SRGAP1: variants seen among roughly 807,000 people sequenced by gnomAD.
SRGAP1 encodes SLIT-ROBO Rho GTPase activating protein 1.
In SRGAP1, 43 loss-of-function variants were observed where a neutral mutation model predicts 121.9. That is an observed-to-expected ratio of 0.35 (90% CI 0.28 to 0.46). The LOEUF is 0.46. Among genes scored for constraint, SRGAP1 ranks in the 20% least tolerant of loss-of-function variants. The pLI is 1.00. For synonymous variants in SRGAP1, 447 were observed against 485.4 expected (o/e 0.92, Z 1.04); for missense variants, 1,102 against 1,350.9 (o/e 0.82, Z 2.89).
rs535432525 is a variant in SRGAP1, at chr12:64,044,637, G to C, written c.801+1062G>C. Among the ~76,000 whole-genome samples, 3 of 135,076 alleles carry C rather than the reference G, an allele frequency of 2.2e-5. No homozygotes were observed. The South Asian group carries it at 7.1e-4, about 32-fold the overall frequency. The allele number at this position is 135,076 out of a possible 152,430, so 88.6% of individuals were successfully genotyped here. A position where few individuals can be genotyped will look rare whatever the true frequency, so the allele number is the denominator to read the frequency against. On this transcript the variant is annotated intron_variant, in intron 6 of 21. Transcript: ENST00000355086. ...TCTACAAAAGAATTGTTGAGGGAAG[G>C]AATTATTTTTTAGCTTATTAACACT...
At chr12:63,913,945 T>A (rs978591110) in intron 1 of SRGAP1, among the ~76,000 whole-genome samples, 2 of 152,188 alleles carry the variant, frequency 1.3e-5, no homozygotes, top group Non-Finnish European at 2.9e-5. Flanking sequence ...TGGTCCTTTA[T>A]TACAGATAGT....
At chr12:63,904,835 T>G (rs1454068044) in intron 1 of SRGAP1, among the ~76,000 whole-genome samples, 1 of 152,100 alleles carries the variant, frequency 6.6e-6, no homozygotes, top group Non-Finnish European at 1.5e-5. Flanking sequence ...TTTGGGAGGC[T>G]GAGGTGGGAG....
At chr12:64,028,046 T>C (rs1311173692) in intron 4 of SRGAP1, among the ~76,000 whole-genome samples, 2 of 152,236 alleles carry the variant, frequency 1.3e-5, no homozygotes, top group African/African-American at 2.4e-5. Flanking sequence ...GAGAACTAAA[T>C]ATTTAAAGTT....
chr12:64,033,545 C>G (rs1419060885), intron 4 of SRGAP1, among the ~76,000 whole-genome samples: 1 of 152,020 alleles, frequency 6.6e-6, no homozygotes, highest in African/African-American at 2.4e-5. Context: ...TGGTGAAACC[C>G]CATCTCTACT....
At chr12:63,989,270 C>G (rs1362401992) in intron 2 of SRGAP1, among the ~76,000 whole-genome samples, 1 of 152,162 alleles carries the variant, frequency 6.6e-6, no homozygotes, top group African/African-American at 2.4e-5. Context: ...AGTTATGAGT[C>G]TGAAACAGTT....
At chr12:64,011,657 C>G (rs1291284112) in intron 3 of SRGAP1, among the ~76,000 whole-genome samples, 1 of 152,000 alleles carries the variant, frequency 6.6e-6, no homozygotes, top group Admixed American at 6.6e-5. Context: ...ACATTGGAAA[C>G]AGTACACTTA....
At chr12:64,112,743 T>C (rs2136617521) in intron 17 of SRGAP1, among the ~76,000 whole-genome samples, 1 of 152,274 alleles carries the variant, frequency 6.6e-6, no homozygotes, top group East Asian at 1.9e-4. Flanking sequence ...CTTTTGGATG[T>C]ATACCTAGCA....
chr12:64,089,759 C>T (rs1419643152), intron 11 of SRGAP1, among the ~76,000 whole-genome samples: 2 of 152,194 alleles, frequency 1.3e-5, no homozygotes, highest in Non-Finnish European at 2.9e-5. Context: ...ACCTCGCCAG[C>T]ACTGTAGAAC....
At chr12:64,119,048 C>T (rs2036565387) in intron 18 of SRGAP1, among the ~76,000 whole-genome samples, 1 of 152,168 alleles carries the variant, frequency 6.6e-6, no homozygotes, top group African/African-American at 2.4e-5. Flanking sequence ...GCTTTTCACA[C>T]ATAAGTCTTT....
intron 1 of SRGAP1, among the ~76,000 whole-genome samples, chr12:63,918,669 G>A (rs1038528835): frequency 1.2e-4 from 18 of 152,140 alleles, no homozygotes; most frequent in Admixed American, 5.9e-4. Context: ...TGCCTACCTC[G>A]GTCTCCTAAA....
Position 63,871,984 on chromosome 12 carries a change from A to C in SRGAP1, c.67+27101A>C, listed in dbSNP as rs1899869880. ...TACGATGAATCCTTGCCCTTCTTATACTGTGTCACTTCGTCAGGTGATGCT... is the reference window on the plus strand; with the variant it reads ...TACGATGAATCCTTGCCCTTCTTATCCTGTGTCACTTCGTCAGGTGATGCT... On this transcript the variant is annotated intron_variant, in intron 1 of 21. Coordinates refer to ENST00000355086, the MANE Select transcript of SRGAP1 (RefSeq NM_020762.4). 3 of 966,590 alleles carry C rather than the reference A, an allele frequency of 3.1e-6. No homozygotes were observed. The South Asian group carries it at 3.9e-5, about 12-fold the overall frequency. 59.9% of individuals were successfully genotyped at this position (966,590 alleles called of 1,614,324 possible).
intron 3 of SRGAP1, among the ~76,000 whole-genome samples, chr12:63,994,321 C>T (rs1482494064): frequency 6.6e-6 from 1 of 152,134 alleles, no homozygotes; most frequent in Non-Finnish European, 1.5e-5. Context: ...AGGAGAGTAT[C>T]ATAATGATGT....
At chr12:64,077,814 T>C (rs1968741900) in intron 8 of SRGAP1, among the ~76,000 whole-genome samples, 2 of 152,112 alleles carry the variant, frequency 1.3e-5, no homozygotes, top group African/African-American at 4.8e-5. Flanking sequence ...CTGGACACTA[T>C]TGAAAGAGGG....
intron 15 of SRGAP1, among the ~76,000 whole-genome samples, chr12:64,102,621 CTATA>C (rs2036276515): frequency 1.3e-5 from 2 of 152,282 alleles, no homozygotes; most frequent in Admixed American, 1.3e-4. Flanking sequence ...CTTTCCGTCT[CTATA>C]GATTTGCCTG....
intron 1 of SRGAP1, among the ~76,000 whole-genome samples, chr12:63,893,720 A>G (rs866076059): frequency 5.9e-5 from 9 of 152,238 alleles, no homozygotes; most frequent in Non-Finnish European, 1.0e-4. Flanking sequence ...CTTTACTTTT[A>G]CTAGATCTGA....
chr12:64,095,042 G>A (rs190537564), intron 13 of SRGAP1, 50 bp downstream of exon 13: 2 of 1,610,180 alleles, frequency 1.2e-6, no homozygotes, highest in Admixed American at 1.7e-5. Context: ...CACTTGAAGT[G>A]TTTCAGTAAA....
At chr12:63,919,148 A>G (rs1002254667) in intron 1 of SRGAP1, among the ~76,000 whole-genome samples, 1 of 151,914 alleles carries the variant, frequency 6.6e-6, no homozygotes, top group African/African-American at 2.4e-5. Flanking sequence ...CGCCTCACGG[A>G]TTGGAGTGAT....
chr12:64,058,611 T>C (rs918625801), intron 6 of SRGAP1, among the ~76,000 whole-genome samples: 2 of 152,200 alleles, frequency 1.3e-5, no homozygotes, highest in African/African-American at 4.8e-5. Flanking sequence ...ATCAGAACAT[T>C]GCTTTGTTTT....
chr12:63,951,693 A>G (rs1041750314), intron 1 of SRGAP1, among the ~76,000 whole-genome samples: 1 of 152,072 alleles, frequency 6.6e-6, no homozygotes, highest in East Asian at 1.9e-4. Flanking sequence ...TTTTATTTGA[A>G]TTTTTATTTG....
Sources: gnomAD v4.1 joint callset for allele counts (sites outside exome capture counted in the v4.1 genomes callset) on GRCh38, gnomAD v4.1.1 for gene constraint, MANE v1.5 for transcripts, NCBI Gene and HGNC (gene_info 2026-07-23, HGNC 2026-07-21) for gene names.